DDR2: variants seen among roughly 807,000 people sequenced by gnomAD.
The protein encoded by DDR2 is discoidin domain receptor tyrosine kinase 2.
Under a neutral mutation model 94.9 loss-of-function variants are expected in DDR2, and 27 were observed. That is an observed-to-expected ratio of 0.28 (90% confidence interval 0.21 to 0.39). The LOEUF is 0.39. DDR2 is among the 10% of genes least tolerant of loss of function. The probability of loss-of-function intolerance (pLI) is 1.00; values close to 1 mark genes in which losing one functional copy is unlikely to be tolerated. For missense variants in DDR2, 783 were observed against 1,076.0 expected (o/e 0.73, Z 3.81); for synonymous variants, 382 against 377.2 (o/e 1.01, Z -0.15).
chr1:162,673,766 C>T (rs944677876), intron 2 of DDR2, among the ~76,000 whole-genome samples: 5 of 146,952 alleles, frequency 3.4e-5, no homozygotes, highest in East Asian at 1.9e-4. Context: ...ACAAAAAAAC[C>T]GACGAGTTCC....
chr1:162,735,900 A>T (rs1342916796), intron 3 of DDR2, among the ~76,000 whole-genome samples: 10 of 152,234 alleles, frequency 6.6e-5, no homozygotes, highest in Admixed American at 1.3e-4. Context: ...CATGTGACCC[A>T]CATTCCCTAT....
At chr1:162,669,562 A>G (rs546321116) in intron 2 of DDR2, among the ~76,000 whole-genome samples, 45 of 152,258 alleles carry the variant, frequency 3.0e-4, no homozygotes, top group Non-Finnish European at 5.6e-4. Context: ...TTGTATCAGC[A>G]ACAATAACAT....
At chr1:162,779,975 C>A (rs1298232653) in intron 17 of DDR2, 137 bp from the exon 18 acceptor site, 9 of 1,264,768 alleles carry the variant, frequency 7.1e-6, no homozygotes, top group Non-Finnish European at 1.0e-5. Flanking sequence ...GGACACTACA[C>A]CCATTTCAGT....
chr1:162,657,791 C>T (rs2101913775), intron 2 of DDR2, among the ~76,000 whole-genome samples: 1 of 151,968 alleles, frequency 6.6e-6, no homozygotes, highest in South Asian at 2.1e-4. Flanking sequence ...CTTCCTCCAC[C>T]CTCTCCTTCC....
chr1:162,668,847 A>G (rs1658702744), intron 2 of DDR2, among the ~76,000 whole-genome samples: 1 of 152,190 alleles, frequency 6.6e-6, no homozygotes, highest in African/African-American at 2.4e-5. Context: ...GACACGATTC[A>G]ACCCACCACA....
chr1:162,660,615 A>C lies in DDR2; in HGVS notation c.-28+5241A>C, dbSNP rs186957692. 1.7e-3 allele frequency among the ~76,000 whole-genome samples: 261 copies of C among 152,294 alleles called. 6 individuals carry two copies. Among genetic ancestry groups the C allele is most frequent in the African/African-American group, 5.9e-3 (244 of 41,570 alleles). ...GGTTCTGACACTCAATTACTTAGGT[A>C]ATGATCAAACAACCAGATCTTGAAG... On this transcript the variant is annotated intron_variant, in intron 2 of 17. Coordinates refer to ENST00000367921, the MANE Select transcript of DDR2 (RefSeq NM_006182.4).
At chr1:162,683,156 TAAAAA>T (rs574700235) in intron 2 of DDR2, among the ~76,000 whole-genome samples, 1 of 151,946 alleles carries the variant, frequency 6.6e-6, no homozygotes. Context: ...ATTCATGACT[TAAAAA>T]AAACTCTCGG....
chr1:162,660,090 A>T (rs571562992), intron 2 of DDR2, among the ~76,000 whole-genome samples: 4 of 151,984 alleles, frequency 2.6e-5, no homozygotes, highest in Non-Finnish European at 5.9e-5. Context: ...TGGGCACAGA[A>T]CTCCTGGTTT....
intron 2 of DDR2, among the ~76,000 whole-genome samples, chr1:162,661,965 T>A (rs917612300): frequency 6.6e-6 from 1 of 152,192 alleles, no homozygotes; most frequent in Non-Finnish European, 1.5e-5. Context: ...CGGGTAGACA[T>A]AAGTGGAGAG....
chr1:162,731,690 TCTC>T (rs769518760), intron 3 of DDR2, among the ~76,000 whole-genome samples: 1 of 152,212 alleles, frequency 6.6e-6, no homozygotes, highest in Non-Finnish European at 1.5e-5. Flanking sequence ...AGTTCTCTCT[TCTC>T]CTCTTAGATA....
chr1:162,772,651 A>G (rs2102187635), intron 13 of DDR2, among the ~76,000 whole-genome samples: 1 of 152,254 alleles, frequency 6.6e-6, no homozygotes, highest in African/African-American at 2.4e-5. Flanking sequence ...TATATGTAAA[A>G]TGGTCAAAAA....
chr1:162,688,983 C>G (rs6697469), intron 2 of DDR2, among the ~76,000 whole-genome samples: 23,562 of 152,138 alleles, frequency 0.15, 2,404 homozygotes, highest in Admixed American at 0.25. Context: ...TCATGATGTT[C>G]TGCGGGAAAA....
intron 2 of DDR2, among the ~76,000 whole-genome samples, chr1:162,679,929 G>A (rs549692408): frequency 1.7e-4 from 26 of 152,034 alleles, no homozygotes; most frequent in African/African-American, 3.4e-4. Context: ...CCGCATGTAC[G>A]TCTTTTTTTG....
At chr1:162,654,966 CTAT>C (rs2101908563) in intron 1 of DDR2, among the ~76,000 whole-genome samples, 1 of 152,138 alleles carries the variant, frequency 6.6e-6, no homozygotes, top group East Asian at 1.9e-4. Context: ...AACAAAATTA[CTAT>C]TATTTAATGA....
chr1:162,732,766 TAG>T (rs1263532495), intron 3 of DDR2, among the ~76,000 whole-genome samples: 1 of 152,246 alleles, frequency 6.6e-6, no homozygotes, highest in African/African-American at 2.4e-5. Flanking sequence ...AAGCTGCATA[TAG>T]GACACTCATT....
intron 1 of DDR2, among the ~76,000 whole-genome samples, chr1:162,636,847 T>G (rs1411142997): frequency 6.6e-6 from 1 of 152,150 alleles, no homozygotes; most frequent in Non-Finnish European, 1.5e-5. Flanking sequence ...GGGCAAATAA[T>G]CTAGCATTTT....
In DDR2 at chr1:162,707,224, T is replaced by C. The variant is rs181434789; in HGVS notation, c.-27-11813T>C. 5.3e-5 allele frequency among the ~76,000 whole-genome samples: 8 copies of C among 152,310 alleles called. 1 individual carries two copies. The East Asian group carries it at 1.5e-3, about 29-fold the overall frequency. Reference sequence around the variant, plus strand: ...CAGAAAAAAAGGGGTAGATTAAGTTTAGAGCCACTGCTCTGTGTCTCCATC... The same window carrying C: ...CAGAAAAAAAGGGGTAGATTAAGTTCAGAGCCACTGCTCTGTGTCTCCATC... On this transcript the variant is annotated intron_variant, in intron 2 of 17. Transcript: ENST00000367921.
At chr1:162,672,288 G>C (rs932875950) in intron 2 of DDR2, among the ~76,000 whole-genome samples, 7 of 152,100 alleles carry the variant, frequency 4.6e-5, no homozygotes, top group African/African-American at 1.5e-4. Flanking sequence ...CAACATGTAA[G>C]TAGTGCTTAT....
At chr1:162,754,600 T>G (rs1387051343) in intron 4 of DDR2, 24 bp from the exon 5 acceptor site, 2 of 1,611,872 alleles carry the variant, frequency 1.2e-6, no homozygotes, top group Non-Finnish European at 1.7e-6. Flanking sequence ...TTGCTCCCTC[T>G]CTCCCCAACC....
Sources: gnomAD v4.1 joint callset for allele counts (sites outside exome capture counted in the v4.1 genomes callset) on GRCh38, gnomAD v4.1.1 for gene constraint, MANE v1.5 for transcripts, NCBI Gene and HGNC (gene_info 2026-07-23, HGNC 2026-07-21) for gene names.